The following ABCA13 variants were observed in gnomAD, a reference collection of about 807,000 sequenced individuals.
ABCA13 encodes the protein ATP-binding cassette sub-family A member 13.
In ABCA13, 476 loss-of-function variants were observed where a neutral mutation model predicts 478.7. The ratio of observed to expected loss-of-function variants is 0.99; its 90% CI spans 0.92 to 1.07. The LOEUF (loss-of-function observed/expected upper bound fraction) is 1.07, where lower values mean the gene tolerates loss of function less well. ABCA13 is among the 50% of genes least tolerant of loss of function. The pLI, the probability that ABCA13 is intolerant of heterozygous loss-of-function variation, is 0.00. For missense variants in ABCA13, 6,060 were observed against 5,910.6 expected, an observed-to-expected ratio of 1.03 and a Z score of -0.83; for synonymous variants, 2,252 against 2,158.9, an observed-to-expected ratio of 1.04 and a Z score of -1.20.
At chr7:48,283,771 T>G (rs759873159) in intron 19 of ABCA13, among the ~76,000 whole-genome samples, 1 of 152,156 alleles carries the variant, frequency 6.6e-6, no homozygotes, top group Non-Finnish European at 1.5e-5. Flanking sequence ...TTGCCCCAAA[T>G]ATCTTTGAGG....
At chr7:48,343,633 G>A (rs1563088001) in intron 29 of ABCA13, among the ~76,000 whole-genome samples, 1 of 151,764 alleles carries the variant, frequency 6.6e-6, no homozygotes, top group Non-Finnish European at 1.5e-5. Flanking sequence ...AGCAGGTGGT[G>A]GTTGGTTATA....
chr7:48,577,768 T>G (rs1333585380), intron 55 of ABCA13, among the ~76,000 whole-genome samples: 1 of 152,056 alleles, frequency 6.6e-6, no homozygotes, highest in African/African-American at 2.4e-5. Flanking sequence ...GACAAGGGCA[T>G]TACAAGAAAG....
rs1809122371 is a variant in ABCA13, at chr7:48,352,186, A to G, written c.10387A>G (p.Ile3463Val). 1.9e-6 allele frequency: 3 copies of G among 1,603,022 alleles called. No individual in the cohort carries two copies. The highest frequency in any genetic ancestry group is 2.6e-6 in the Non-Finnish European group (3 of 1,172,846). ...LQQNSFLASIIFSNSLFDKNF... is the reference protein window; with the variant it reads ...LQQNSFLASIVFSNSLFDKNF... The stretch of plus-strand genomic sequence containing the variant: ...TTTTCCTTTTCTGCCACTAGGTATC[A>G]TTTTCAGCAATTCCTTATTCGACAA... Residue 3463 changes from isoleucine to valine, a missense_variant, in exon 31 of 62, where the codon ATT becomes GTT. Ile to Val is a conservative substitution (Grantham distance 29). Coordinates refer to ENST00000435803, the MANE Select transcript of ABCA13 (RefSeq NM_152701.5).
In ABCA13 at chr7:48,473,160, G is replaced by A. The variant is rs115256801; in HGVS notation, c.12975+1561G>A. 8.3e-3 allele frequency among the ~76,000 whole-genome samples: 1,260 copies of A among 152,224 alleles called. 24 individuals carry two copies. Among genetic ancestry groups the A allele is most frequent in the African/African-American group, 0.029 (1,209 of 41,524 alleles). The stretch of plus-strand genomic sequence containing the variant: ...CCCGTGTTCAGTTATCTCCCATTGG[G>A]GTCCCTCCCACAACATGTGGGAGTA... On this transcript the variant is annotated intron_variant, in intron 45 of 61. Coordinates refer to ENST00000435803, the MANE Select transcript of ABCA13 (RefSeq NM_152701.5).
chr7:48,446,767 A>G (rs905140173), intron 42 of ABCA13, among the ~76,000 whole-genome samples: 1 of 152,132 alleles, frequency 6.6e-6, no homozygotes, highest in African/African-American at 2.4e-5. Context: ...AATTTCCTCA[A>G]ATTTCAAAAA....
chr7:48,341,677 C>T (rs915739577), intron 29 of ABCA13, among the ~76,000 whole-genome samples: 2 of 150,782 alleles, frequency 1.3e-5, no homozygotes, highest in Non-Finnish European at 3.0e-5. Flanking sequence ...CCTTATATTT[C>T]ATTTGATTTC....
chr7:48,355,601 G>T (rs1228975689), intron 31 of ABCA13, among the ~76,000 whole-genome samples: 1 of 152,044 alleles, frequency 6.6e-6, no homozygotes, highest in Non-Finnish European at 1.5e-5. Flanking sequence ...TCATTTAGAA[G>T]GCTGTTGTAA....
chr7:48,356,432 A>G (rs887027644), intron 31 of ABCA13, among the ~76,000 whole-genome samples: 2 of 150,976 alleles, frequency 1.3e-5, no homozygotes, highest in Non-Finnish European at 2.9e-5. Context: ...GGAATAGTCC[A>G]GTAAGATGGG....
intron 1 of ABCA13, among the ~76,000 whole-genome samples, chr7:48,174,018 A>C (rs2128847662): frequency 6.6e-6 from 1 of 152,366 alleles, no homozygotes; most frequent in African/African-American, 2.4e-5. Flanking sequence ...GAATATGTTT[A>C]CATATCTTAA....
At chr7:48,563,259 G>T (rs1479097595) in intron 55 of ABCA13, among the ~76,000 whole-genome samples, 1 of 150,820 alleles carries the variant, frequency 6.6e-6, no homozygotes, top group African/African-American at 2.4e-5. Context: ...AGAAGGAGTT[G>T]TTCTTCAGCA....
chr7:48,178,885 G>T (rs1018139439), intron 1 of ABCA13, among the ~76,000 whole-genome samples: 3 of 150,428 alleles, frequency 2.0e-5, no homozygotes, highest in Admixed American at 2.0e-4. Flanking sequence ...CCAGCATATT[G>T]CAGAGAAAAT....
chr7:48,304,140 A>G (rs1385817535), intron 23 of ABCA13, among the ~76,000 whole-genome samples: 2 of 152,232 alleles, frequency 1.3e-5, no homozygotes, highest in African/African-American at 2.4e-5. Flanking sequence ...TGACATTATT[A>G]TCTATTAGTA....
chr7:48,269,021 T>G lies in ABCA13; in HGVS notation c.2047T>G (p.Trp683Gly), dbSNP rs1443799295. The change falls in exon 16 of 62, where the codon TGG becomes GGG. Residue 683 changes from tryptophan (W) to glycine (G), a missense_variant. Transcript: ENST00000435803. The stretch of plus-strand genomic sequence containing the variant: ...TCCTTGTTTTGAAGAAAACATGGAT[T>G]GGAAAATGATCAGTGATAATTATTT... The part of the protein sequence containing the change: ...ESPCFEENMD[W>G]KMISDNYFQF... 1 of 1,601,702 alleles carries G rather than the reference T, an allele frequency of 6.2e-7. No homozygotes were observed. Among genetic ancestry groups the G allele is most frequent in the East Asian group, 2.2e-5 (1 of 44,654 alleles).
chr7:48,190,921 G>T (rs1473681939), intron 1 of ABCA13, among the ~76,000 whole-genome samples: 1 of 151,762 alleles, frequency 6.6e-6, no homozygotes, highest in African/African-American at 2.4e-5. Context: ...TATGAGTCTT[G>T]GTTCTATAAA....
At chr7:48,572,048 C>A (rs1787707643) in intron 55 of ABCA13, among the ~76,000 whole-genome samples, 2 of 152,068 alleles carry the variant, frequency 1.3e-5, no homozygotes, top group South Asian at 4.1e-4. Flanking sequence ...GGCCTGGTGG[C>A]ACACGCATGT....
rs367777610 is a variant in ABCA13 at position 48,278,474 on chromosome 7, T to C, written c.7280T>C (p.Leu2427Pro). 2.5e-6 allele frequency: 4 copies of C among 1,614,028 alleles called. No homozygotes were observed. The highest frequency in any genetic ancestry group is 2.2e-5 in the South Asian group (2 of 91,086). The change falls in exon 18 of 62, where the codon CTG (leucine) becomes CCG (proline). Residue 2427 changes from leucine (L) to proline (P), a missense_variant. By Grantham distance (98) the Leu-to-Pro change is moderately conservative. Coordinates refer to ENST00000435803, the MANE Select transcript of ABCA13 (RefSeq NM_152701.5). ...TGTTCAACAGAGATGGCAAGACTTC[T>C]GGATACAATTTTACACTCTCCTAAT... ...RECSTEMARL[L>P]DTILHSPNKD...
Position 48,178,815 on chromosome 7 carries a change from A to T in ABCA13, c.69+7263A>T, listed in dbSNP as rs146775413. Reference sequence around the variant, plus strand: ...ATCCAGTTTCTCATTTACCAATTCGACTGTCAGGCTGAAAAGAGAAAATAA... The same window carrying T: ...ATCCAGTTTCTCATTTACCAATTCGTCTGTCAGGCTGAAAAGAGAAAATAA... On this transcript the variant is annotated intron_variant, in intron 1 of 61. Transcript: ENST00000435803. Among the ~76,000 whole-genome samples the T allele has an allele frequency of 6.9e-3, 1,052 of 151,578 alleles. 4 individuals carry two copies. The highest frequency in any genetic ancestry group is 9.6e-3 in the Non-Finnish European group (649 of 67,856).
In ABCA13 at chr7:48,401,328, C is replaced by T. The variant is rs529063950; in HGVS notation, c.11874-2355C>T. Among the ~76,000 whole-genome samples the T allele has an allele frequency of 4.5e-4, 69 of 152,188 alleles. 1 individual carries two copies. In the South Asian group the frequency reaches 0.011, roughly 25 times the overall value. Reference sequence around the variant, plus strand: ...GACTGGGATTTCCTCTGTAGGAAAGCGTTTATGAAATGAATGAATGATATT... The same window carrying T: ...GACTGGGATTTCCTCTGTAGGAAAGTGTTTATGAAATGAATGAATGATATT... On this transcript the variant is annotated intron_variant, in intron 38 of 61. Transcript: ENST00000435803.
chr7:48,451,874 G>T (rs1193577144), intron 42 of ABCA13, among the ~76,000 whole-genome samples: 1 of 152,128 alleles, frequency 6.6e-6, no homozygotes, highest in African/African-American at 2.4e-5. Flanking sequence ...AGGATAAATG[G>T]GAATGCATGA....
Sources: gnomAD v4.1 joint callset for allele counts (sites outside exome capture counted in the v4.1 genomes callset) on GRCh38, gnomAD v4.1.1 for gene constraint, MANE v1.5 for transcripts, NCBI Gene and HGNC (gene_info 2026-07-23, HGNC 2026-07-21) for gene names.